SOX5: variants seen among roughly 807,000 people sequenced by gnomAD.
SOX5 encodes SRY-box transcription factor 5.
SOX5 carries 9 observed loss-of-function variants against 92.0 expected under a neutral mutation model. The observed-to-expected ratio is 0.10, with a 90% CI of 0.06 to 0.17. SOX5 has a LOEUF of 0.17. SOX5 is among the 10% of genes least tolerant of loss of function. SOX5 has a pLI of 1.00. For synonymous variants in SOX5, 344 were observed against 336.3 expected (o/e 1.02, Z -0.25); for missense variants, 642 against 944.5 (o/e 0.68, Z 4.20).
intron 3 of SOX5, among the ~76,000 whole-genome samples, chr12:23,811,650 T>G (rs1183945084): frequency 6.6e-6 from 1 of 152,108 alleles, no homozygotes; most frequent in Non-Finnish European, 1.5e-5. Flanking sequence ...TTGTTGAATA[T>G]TAAATAAAGT....
intron 1 of SOX5, among the ~76,000 whole-genome samples, chr12:23,948,138 T>C (rs1046511807): frequency 1.3e-5 from 2 of 151,646 alleles, no homozygotes; most frequent in Admixed American, 6.6e-5. Flanking sequence ...AGTTAATATA[T>C]AGAAGTGAAA....
chr12:23,868,036 T>G (rs2096834121), intron 2 of SOX5, among the ~76,000 whole-genome samples: 1 of 151,784 alleles, frequency 6.6e-6, no homozygotes, highest in South Asian at 2.1e-4. Context: ...TTTTTTCTTT[T>G]TTCCTTTCCT....
chr12:23,669,798 G>A (rs73279969), intron 6 of SOX5, among the ~76,000 whole-genome samples: 198 of 152,278 alleles, frequency 1.3e-3, no homozygotes, highest in African/African-American at 4.6e-3. Flanking sequence ...TAATTTTCAT[G>A]CAAAAGTGAT....
At chr12:24,208,635 T>G (rs1399781857) in intron 4 of SOX5, among the ~76,000 whole-genome samples, 1 of 152,054 alleles carries the variant, frequency 6.6e-6, no homozygotes, top group Non-Finnish European at 1.5e-5. Flanking sequence ...TTGTAGATCT[T>G]TTGCAGCCTT....
chr12:24,222,022 C>T (rs780003481), intron 3 of SOX5, among the ~76,000 whole-genome samples: 6 of 152,162 alleles, frequency 3.9e-5, no homozygotes, highest in Non-Finnish European at 7.3e-5. Context: ...AGGATACTGG[C>T]TTCTGTTCTT....
At chr12:23,887,612 A>G (rs906803334) in intron 2 of SOX5, among the ~76,000 whole-genome samples, 3 of 152,122 alleles carry the variant, frequency 2.0e-5, no homozygotes, top group Admixed American at 6.5e-5. Context: ...CAAGTATTTC[A>G]TCATTCTCTC....
At chr12:23,847,713 T>C (rs1042726312) in intron 2 of SOX5, among the ~76,000 whole-genome samples, 1 of 152,088 alleles carries the variant, frequency 6.6e-6, no homozygotes, top group Non-Finnish European at 1.5e-5. Context: ...AAATTATAAT[T>C]CTAAACCTCA....
chr12:24,260,829 A>G (rs1378021622), intron 3 of SOX5, among the ~76,000 whole-genome samples: 1 of 152,184 alleles, frequency 6.6e-6, no homozygotes, highest in Non-Finnish European at 1.5e-5. Context: ...AATTTAGGTA[A>G]TAATTTCTCA....
chr12:24,142,601 G>A (rs1027593844), intron 4 of SOX5, among the ~76,000 whole-genome samples: 5 of 152,014 alleles, frequency 3.3e-5, no homozygotes, highest in South Asian at 2.1e-4. Context: ...CTGAAATAAC[G>A]TCTAAACAAT....
At chr12:23,950,272 A>T (rs916169935), upstream of SOX5, among the ~76,000 whole-genome samples, 2 of 151,998 alleles carry the variant, frequency 1.3e-5, no homozygotes, top group African/African-American at 4.8e-5. Context: ...GCACACACAC[A>T]CACACACACT....
intron 4 of SOX5, among the ~76,000 whole-genome samples, chr12:23,995,406 G>C (rs1309054991): frequency 1.3e-5 from 2 of 152,114 alleles, no homozygotes; most frequent in Admixed American, 1.3e-4. Flanking sequence ...TATTAAGATA[G>C]TAATAGGGAT....
intron 8 of SOX5, among the ~76,000 whole-genome samples, chr12:23,610,260 T>C (rs145558316): frequency 7.9e-4 from 121 of 152,240 alleles, no homozygotes; most frequent in Middle Eastern, 6.8e-3. Flanking sequence ...CTAGAGGTGG[T>C]AAATTCTTGC....
At chr12:24,196,434 G>A (rs1029541206) in intron 4 of SOX5, among the ~76,000 whole-genome samples, 1 of 152,218 alleles carries the variant, frequency 6.6e-6, no homozygotes. Context: ...TAAACTCTAT[G>A]GACAGGTCTT....
At chr12:24,100,362 T>C (rs896038557) in intron 4 of SOX5, among the ~76,000 whole-genome samples, 1 of 152,156 alleles carries the variant, frequency 6.6e-6, no homozygotes, top group Admixed American at 6.6e-5. Flanking sequence ...GCATTGAAAT[T>C]ATTCTTTTCA....
intron 4 of SOX5, among the ~76,000 whole-genome samples, chr12:23,988,442 A>G (rs1257267250): frequency 6.6e-6 from 1 of 152,204 alleles, no homozygotes; most frequent in Non-Finnish European, 1.5e-5. Flanking sequence ...ATTTGAGGAA[A>G]TTAATGTCTA....
Position 23,534,329 on chromosome 12 carries a change from C to G in SOX5, c.2182G>C (p.Ala728Pro), listed in dbSNP as rs755033309. 2 of 1,614,132 alleles carry G rather than the reference C, an allele frequency of 1.2e-6. No individual in the cohort carries two copies. Among genetic ancestry groups the G allele is most frequent in the Admixed American group, 1.7e-5 (1 of 60,018 alleles). ...TAAATTTCTCCATTGATGTCCTCGG[C>G]CTGTATCTCTTCTTTGATATGTGGC... Reference protein sequence around the residue: ...EEPHIKEEIQAEDINGEIYDE... With the variant: ...EEPHIKEEIQPEDINGEIYDE... The change falls in exon 15 of 15, where the codon GCC becomes CCC. Residue 728 changes from alanine (A) to proline (P), a missense_variant. By Grantham distance (27) the Ala-to-Pro change is conservative. This residue lies in a region of SOX5 where 130 missense variants were observed against 140.6 expected (regional missense o/e 0.92). Transcript: ENST00000451604.
chr12:24,380,774 G>A (rs935660772), intron 1 of SOX5, among the ~76,000 whole-genome samples: 1 of 152,170 alleles, frequency 6.6e-6, no homozygotes, highest in Non-Finnish European at 1.5e-5. Context: ...TGAGTAAACT[G>A]AGGAAAACCA....
intron 4 of SOX5, among the ~76,000 whole-genome samples, chr12:24,175,627 G>A (rs891831940): frequency 6.6e-6 from 1 of 152,094 alleles, no homozygotes; most frequent in Non-Finnish European, 1.5e-5. Context: ...ATTTGTATGT[G>A]TGTGTATATC....
At chr12:24,121,885 C>CAAAA (rs900951883) in intron 4 of SOX5, among the ~76,000 whole-genome samples, 5 of 48,250 alleles carry the variant, frequency 1.0e-4, no homozygotes, top group Non-Finnish European at 1.5e-4. Flanking sequence ...GACTCTATCT[C>CAAAA]AAAAAAAAAA....
Sources: allele counts gnomAD v4.1 joint callset (sites outside exome capture counted in the v4.1 genomes callset), GRCh38; gene constraint gnomAD v4.1.1; regional missense constraint gnomAD v4.1.1; transcripts MANE v1.5; gene names NCBI Gene and HGNC (gene_info 2026-07-23, HGNC 2026-07-21).